The following DGLUCY variants were observed in gnomAD, a reference collection of about 807,000 sequenced individuals.
The protein encoded by DGLUCY is D-glutamate cyclase, mitochondrial.
In DGLUCY, 58 loss-of-function variants were observed where a neutral mutation model predicts 58.5. The ratio of observed to expected loss-of-function variants is 0.99; its 90% confidence interval spans 0.80 to 1.23. The LOEUF (loss-of-function observed/expected upper bound fraction) is 1.23. Among genes scored for constraint, DGLUCY ranks in the 50% most tolerant of loss-of-function variants. DGLUCY has a pLI of 0.00. For missense variants in DGLUCY, 779 were observed against 784.7 expected (o/e 0.99, Z 0.09); for synonymous variants, 325 against 314.1 (o/e 1.03, Z -0.37).
chr14:91,201,304 CTTT>C (rs35767480), intron 11 of DGLUCY, among the ~76,000 whole-genome samples: 1 of 146,952 alleles, frequency 6.8e-6, no homozygotes, highest in Non-Finnish European at 1.5e-5. Flanking sequence ...TGACAGGTAA[CTTT>C]TTTTTTTTTT....
chr14:91,192,200 A>AT (rs1179817938), intron 9 of DGLUCY, among the ~76,000 whole-genome samples: 1 of 152,232 alleles, frequency 6.6e-6, no homozygotes, highest in African/African-American at 2.4e-5. Context: ...GTTCCGACAC[A>AT]TGCTACAACA....
intron 1 of DGLUCY, among the ~76,000 whole-genome samples, chr14:91,072,893 C>T (rs1401373242): frequency 1.3e-5 from 2 of 152,060 alleles, no homozygotes; most frequent in African/African-American, 4.8e-5. Flanking sequence ...CCTGTCGTCC[C>T]AGCTACTCGG....
chr14:91,210,296 T>TG, intron 12 of DGLUCY, among the ~76,000 whole-genome samples: 1 of 152,146 alleles, frequency 6.6e-6, no homozygotes, highest in Admixed American at 6.6e-5. Flanking sequence ...CTATTACAGT[T>TG]GGAGACTTCA....
At chr14:91,142,998 C>T (rs2046805571) in intron 1 of DGLUCY, among the ~76,000 whole-genome samples, 1 of 139,788 alleles carries the variant, frequency 7.2e-6, no homozygotes. Context: ...CTACTGCACT[C>T]CAGCCTGGGT....
intron 1 of DGLUCY, among the ~76,000 whole-genome samples, chr14:91,117,677 ACACACACACG>A (rs1286641333): frequency 9.8e-5 from 14 of 143,426 alleles, no homozygotes; most frequent in African/African-American, 3.8e-4. Context: ...ACACACACAC[ACACACACACG>A]CCAAACTGTA....
intron 1 of DGLUCY, among the ~76,000 whole-genome samples, chr14:91,080,743 T>C (rs1309420734): frequency 7.2e-6 from 1 of 138,346 alleles, no homozygotes; most frequent in Non-Finnish European, 1.6e-5. Flanking sequence ...GAGCTTCAAC[T>C]ATCTATATGA....
At chr14:91,192,759 G>A (rs894867893) in intron 9 of DGLUCY, among the ~76,000 whole-genome samples, 12 of 152,122 alleles carry the variant, frequency 7.9e-5, no homozygotes, top group East Asian at 3.9e-4. Flanking sequence ...AGCCAAGATC[G>A]CACCAATGCA....
chr14:91,077,907 C>T (rs1175135174), intron 1 of DGLUCY, among the ~76,000 whole-genome samples: 2 of 151,672 alleles, frequency 1.3e-5, no homozygotes, highest in Non-Finnish European at 2.9e-5. Context: ...TAGTTCCAAT[C>T]ATATTAACTA....
chr14:91,224,633 TTC>T (rs747499736), intron 13 of DGLUCY, 49 bp from the exon 14 acceptor site: 142 of 1,508,316 alleles, frequency 9.4e-5, no homozygotes, highest in Non-Finnish European at 1.2e-4. Flanking sequence ...TAAAAGAAAT[TTC>T]TTTTTCCTCC....
At chr14:91,223,656 CTT>C (rs558251801) in intron 13 of DGLUCY, 1,677 of 1,056,636 alleles carry the variant, frequency 1.6e-3, no homozygotes, top group Admixed American at 4.6e-3. Flanking sequence ...GATCAAACCA[CTT>C]TTTTTTTTTT....
At chr14:91,066,898 G>A (rs535608771) in intron 1 of DGLUCY, among the ~76,000 whole-genome samples, 2 of 151,422 alleles carry the variant, frequency 1.3e-5, no homozygotes, top group African/African-American at 4.8e-5. Flanking sequence ...GGCTAACACG[G>A]TGAAACCCCG....
chr14:91,223,971 G>T (rs1354185970), intron 13 of DGLUCY, among the ~76,000 whole-genome samples: 1 of 152,210 alleles, frequency 6.6e-6, no homozygotes, highest in Non-Finnish European at 1.5e-5. Flanking sequence ...GCCCCGGGCT[G>T]CGGCTTCAGG....
intron 3 of DGLUCY, among the ~76,000 whole-genome samples, chr14:91,162,354 C>T (rs1319596001): frequency 6.6e-6 from 1 of 152,168 alleles, no homozygotes; most frequent in Non-Finnish European, 1.5e-5. Flanking sequence ...AGTTTATCTA[C>T]AAAGAAAAGT....
chr14:91,152,900 T>G (rs2047403777), intron 1 of DGLUCY, among the ~76,000 whole-genome samples: 4 of 152,200 alleles, frequency 2.6e-5, no homozygotes, highest in Admixed American at 2.6e-4. Flanking sequence ...CCTTCGTGGT[T>G]CTAAATATGA....
intron 11 of DGLUCY, among the ~76,000 whole-genome samples, chr14:91,202,726 T>C (rs2050649985): frequency 6.6e-6 from 1 of 152,036 alleles, no homozygotes; most frequent in Non-Finnish European, 1.5e-5. Flanking sequence ...AGCAATCCCG[T>C]CCTCCCACAC....
chr14:91,060,475 A>C, exon 1 of DGLUCY: 1 of 1,352,258 alleles, frequency 7.4e-7, no homozygotes, highest in Non-Finnish European at 9.6e-7. Context: ...CTACGAGGGG[A>C]ACCCAGGAGA....
chr14:91,095,146 T>C (rs1457899851), intron 1 of DGLUCY, among the ~76,000 whole-genome samples: 1 of 152,148 alleles, frequency 6.6e-6, no homozygotes, highest in Non-Finnish European at 1.5e-5. Context: ...TGTGCCCACT[T>C]GCTTTTCTTC....
chr14:91,093,628 A>T (rs2044348091), intron 1 of DGLUCY, among the ~76,000 whole-genome samples: 1 of 152,028 alleles, frequency 6.6e-6, no homozygotes, highest in Admixed American at 6.6e-5. Flanking sequence ...AACATGGCAA[A>T]ACCCTATCTC....
intron 1 of DGLUCY, among the ~76,000 whole-genome samples, chr14:91,132,877 C>T (rs981139714): frequency 2.6e-5 from 4 of 152,186 alleles, no homozygotes; most frequent in Non-Finnish European, 5.9e-5. Flanking sequence ...ATGAATTTGA[C>T]CATTCCAGGT....
Sources: allele counts gnomAD v4.1 joint callset (sites outside exome capture counted in the v4.1 genomes callset), GRCh38; gene constraint gnomAD v4.1.1; transcripts MANE v1.5; gene names NCBI Gene and HGNC (gene_info 2026-07-23, HGNC 2026-07-21).